Variants in FRY observed in about 807,000 individuals in gnomAD.
FRY encodes the protein protein furry homolog.
FRY carries 128 observed loss-of-function variants against 348.4 expected under a neutral mutation model. The ratio of observed to expected loss-of-function variants is 0.37; its 90% CI spans 0.32 to 0.43. The LOEUF is 0.43. Ranked by LOEUF, FRY falls within the 20% of genes least tolerant of loss-of-function variation. The pLI is 1.00. For synonymous variants in FRY, 1,370 were observed against 1,374.7 expected, an observed-to-expected ratio of 1.00 and a Z score of 0.08; for missense variants, 2,736 against 3,695.2, an observed-to-expected ratio of 0.74 and a Z score of 6.73.
intron 28 of FRY, among the ~76,000 whole-genome samples, chr13:32,193,040 G>A (rs1366540104): frequency 6.6e-6 from 1 of 151,660 alleles, no homozygotes; most frequent in Non-Finnish European, 1.5e-5. Flanking sequence ...ACCACTCTGG[G>A]CCAGAATGTT....
rs574663279 is a variant in FRY at position 32,148,835 on chromosome 13, G to A, written c.1392+888G>A. On this transcript the variant is annotated intron_variant, in intron 13 of 60. Transcript: ENST00000542859. Reference sequence around the variant, plus strand: ...CTTCACAGATGATTTGACAGTGATAGCTCTCTTTGAGTTTGGTGCAATGAA... The same window carrying A: ...CTTCACAGATGATTTGACAGTGATAACTCTCTTTGAGTTTGGTGCAATGAA... Among the ~76,000 whole-genome samples, 61 of 152,270 alleles carry A rather than the reference G, an allele frequency of 4.0e-4. 1 individual carries two copies. The South Asian group carries it at 7.5e-3, about 19-fold the overall frequency.
In FRY at chr13:32,225,790, T is replaced by C. The variant is rs1161527808; in HGVS notation, c.5022T>C (p.Gly1674=). The change falls in exon 39 of 61, where the codon GGT becomes GGC. Residue 1674 remains glycine (G), a splice_region_variant and synonymous_variant. Coordinates refer to ENST00000542859, the MANE Select transcript of FRY (RefSeq NM_023037.3). The part of the protein sequence containing the change: ...LPLLLHAVFL[G]LDHYRPEVFE... ...TTAGATTCTACTGTTTTGTTCCAGG[T>C]TTAGACCACTACCGGCCTGAAGTCT... 6.2e-7 allele frequency: 1 copy of C among 1,612,300 alleles called. No homozygotes were observed. Among genetic ancestry groups the C allele is most frequent in the African/African-American group, 1.3e-5 (1 of 74,890 alleles).
At chr13:32,251,365 A>G (rs1377984443) in intron 49 of FRY, among the ~76,000 whole-genome samples, 2 of 152,238 alleles carry the variant, frequency 1.3e-5, no homozygotes, top group African/African-American at 4.8e-5. Context: ...CATTCTACAG[A>G]AAGTATTCTT....
intron 4 of FRY, among the ~76,000 whole-genome samples, chr13:32,119,895 A>G (rs1217088168): frequency 6.6e-6 from 1 of 152,216 alleles, no homozygotes; most frequent in Non-Finnish European, 1.5e-5. Context: ...TTGAAAGATA[A>G]ACATGCAAGT....
chr13:32,033,871 C>A (rs902936745), intron 1 of FRY, among the ~76,000 whole-genome samples: 3 of 152,196 alleles, frequency 2.0e-5, no homozygotes, highest in Admixed American at 6.5e-5. Context: ...ACAACACTAA[C>A]CTGCTTACAA....
In FRY at chr13:32,229,998, T is replaced by C. The variant is rs1021481178; in HGVS notation, c.5406-1181T>C. Among the ~76,000 whole-genome samples the C allele has an allele frequency of 7.2e-5, 11 of 152,342 alleles. No individual in the cohort carries two copies. The South Asian group carries it at 2.3e-3, about 32-fold the overall frequency. ...TAAATTAGATGTGTTTTGACTATGC[T>C]GATAAGGTTTATAAGACTGAAATGT... On this transcript the variant is annotated intron_variant, in intron 40 of 60. Coordinates refer to ENST00000542859, the MANE Select transcript of FRY (RefSeq NM_023037.3).
At chr13:32,279,957 A>G (rs1888730876) in intron 58 of FRY, among the ~76,000 whole-genome samples, 1 of 152,230 alleles carries the variant, frequency 6.6e-6, no homozygotes, top group South Asian at 2.1e-4. Context: ...TAAAGCTGAG[A>G]AATTTCTAAA....
chr13:32,094,460 C>G (rs569280634), intron 2 of FRY, among the ~76,000 whole-genome samples: 1 of 152,138 alleles, frequency 6.6e-6, no homozygotes, highest in African/African-American at 2.4e-5. Context: ...CTTATTCATT[C>G]TTTCTAACTT....
At chr13:32,256,597 TA>T (rs1887354918) in intron 51 of FRY, among the ~76,000 whole-genome samples, 1 of 151,914 alleles carries the variant, frequency 6.6e-6, no homozygotes, top group Non-Finnish European at 1.5e-5. Context: ...TTTATCCAAA[TA>T]AAATAAGGCA....
chr13:32,124,485 G>A, intron 5 of FRY, 109 bp downstream of exon 5: 1 of 863,022 alleles, frequency 1.2e-6, no homozygotes, highest in Non-Finnish European at 1.9e-6. Flanking sequence ...CAAATACTGG[G>A]TTATATGACT....
chr13:32,209,280 C>T (rs1274979771), intron 32 of FRY, among the ~76,000 whole-genome samples, 171 bp downstream of exon 32: 1 of 152,086 alleles, frequency 6.6e-6, no homozygotes, highest in Non-Finnish European at 1.5e-5. Context: ...ACAGGCTGTA[C>T]ACTTACAAAT....
chr13:32,143,898 C>T (rs1248394146), intron 11 of FRY, among the ~76,000 whole-genome samples: 4 of 152,018 alleles, frequency 2.6e-5, no homozygotes, highest in Non-Finnish European at 5.9e-5. Flanking sequence ...TTATCATCTG[C>T]ATTTCACAGA....
At chr13:32,194,014 AAAC>A in intron 28 of FRY, 126 bp from the exon 29 acceptor site, 1 of 926,690 alleles carries the variant, frequency 1.1e-6, no homozygotes, top group Non-Finnish European at 1.8e-6. Flanking sequence ...TATGACATAA[AAAC>A]CAAAATGAAA....
At chr13:32,051,498 C>T (rs1284733798) in intron 1 of FRY, among the ~76,000 whole-genome samples, 2 of 152,226 alleles carry the variant, frequency 1.3e-5, no homozygotes, top group East Asian at 3.8e-4. Flanking sequence ...ACCCGAATTA[C>T]TCCTGAGTTT....
intron 28 of FRY, among the ~76,000 whole-genome samples, chr13:32,192,661 G>T (rs1883415069): frequency 6.6e-6 from 1 of 151,432 alleles, no homozygotes; most frequent in Non-Finnish European, 1.5e-5. Context: ...ACATGAAGAA[G>T]CCAGAATCTT....
intron 15 of FRY, 48 bp from the exon 16 acceptor site, chr13:32,157,225 C>G (rs766840237): frequency 4.5e-6 from 7 of 1,547,996 alleles, no homozygotes; most frequent in Admixed American, 3.3e-5. Flanking sequence ...ATCAGGATAT[C>G]CTTTGATAGA....
chr13:32,149,469 G>C (rs914586502), intron 13 of FRY, among the ~76,000 whole-genome samples: 2 of 151,926 alleles, frequency 1.3e-5, no homozygotes, highest in Non-Finnish European at 2.9e-5. Context: ...TGATTTGTGG[G>C]GGGGGGTCTT....
Position 32,295,602 on chromosome 13 carries a change from A to G in FRY, c.*142A>G. The G allele has an allele frequency of 1.3e-6, 1 of 767,376 alleles. No individual in the cohort carries two copies. The highest frequency in any genetic ancestry group is 2.2e-6 in the Non-Finnish European group (1 of 454,532). 47.5% of individuals were successfully genotyped at this position (767,376 alleles called of 1,614,324 possible). A position where few individuals can be genotyped will look rare whatever the true frequency, so the allele number is the denominator to read the frequency against. ...ACCTGTAGGGCTTTTTCTAAAGAGGATGGCAGAACTTCCAACGTGTAGCAA... is the reference window on the plus strand; with the variant it reads ...ACCTGTAGGGCTTTTTCTAAAGAGGGTGGCAGAACTTCCAACGTGTAGCAA... On this transcript the variant is annotated 3_prime_UTR_variant, in exon 61 of 61. Transcript: ENST00000542859.
At chr13:32,117,221 A>T in intron 3 of FRY, 113 bp from the exon 4 acceptor site, 5 of 927,614 alleles carry the variant, frequency 5.4e-6, no homozygotes, top group Non-Finnish European at 8.6e-6. Flanking sequence ...AAGGACTGTG[A>T]TACGGAAGAA....
Sources: gnomAD v4.1 joint callset for allele counts (sites outside exome capture counted in the v4.1 genomes callset) on GRCh38, gnomAD v4.1.1 for gene constraint, MANE v1.5 for transcripts, NCBI Gene and HGNC (gene_info 2026-07-23, HGNC 2026-07-21) for gene names.